The following CHRNB4 variants were observed in gnomAD, a reference collection of about 807,000 sequenced individuals.
The protein encoded by CHRNB4 is neuronal acetylcholine receptor subunit beta-4.
Under a neutral mutation model 40.4 loss-of-function variants are expected in CHRNB4, and 23 were observed. The observed-to-expected ratio is 0.57, with a 90% CI of 0.41 to 0.81. The LOEUF is 0.81. Ranked by LOEUF, CHRNB4 falls within the 30% of genes least tolerant of loss-of-function variation. The probability of loss-of-function intolerance (pLI) is 0.00; values close to 1 mark genes in which losing one functional copy is unlikely to be tolerated. For synonymous variants in CHRNB4, 285 were observed against 274.4 expected (o/e 1.04, Z -0.38); for missense variants, 568 against 670.6 (o/e 0.85, Z 1.69).
At chr15:78,641,540 G>A (rs2054075842), upstream of CHRNB4, among the ~76,000 whole-genome samples, 1 of 152,214 alleles carries the variant, frequency 6.6e-6, no homozygotes, top group South Asian at 2.1e-4. Context: ...CTTGGGCTTT[G>A]CCTTCCCTCA....
chr15:78,636,108 T>C (rs1398015233), intron 1 of CHRNB4, among the ~76,000 whole-genome samples: 1 of 152,086 alleles, frequency 6.6e-6, no homozygotes, highest in Non-Finnish European at 1.5e-5. Context: ...GGTTTCACCA[T>C]ATTGGCCAGG....
intron 2 of CHRNB4, among the ~76,000 whole-genome samples, chr15:78,631,853 A>C (rs1385180601): frequency 6.6e-6 from 1 of 152,166 alleles, no homozygotes; most frequent in Non-Finnish European, 1.5e-5. Context: ...CATCCAAAGT[A>C]AAAGCCAAAG....
At position 78,641,137 on chromosome 15, in the gene CHRNB4, C is replaced by A; in HGVS notation, c.-4G>T. The A allele has an allele frequency of 6.4e-7, 1 of 1,555,054 alleles. No individual in the cohort carries two copies. The highest frequency in any genetic ancestry group is 8.7e-7 in the Non-Finnish European group (1 of 1,152,090). On this transcript the variant is annotated 5_prime_UTR_variant, in exon 1 of 6. Transcript: ENST00000261751. ...CCAGGGAAGGCGCGCGCCTCATGGC[C>A]GGCGGGGCCGGGTGGCAGCCGCCGC...
At chr15:78,639,533 C>T (rs1230814891) in intron 1 of CHRNB4, among the ~76,000 whole-genome samples, 5 of 152,100 alleles carry the variant, frequency 3.3e-5, no homozygotes, top group African/African-American at 1.2e-4. Flanking sequence ...CTCCTGACCT[C>T]GTGATCCGCC....
rs370616582 is a variant in CHRNB4, at chr15:78,629,066, C to G, written c.1239G>C (p.Trp413Cys). The stretch of plus-strand genomic sequence containing the variant: ...GTCGGAACCTCCCAGAGGACCGCAG[C>G]CAGAAATCCCTGGGGATAGCCACCG... ...STPVAIPRDF[W>C]LRSSGRFRQD... The change falls in exon 5 of 6, where the codon TGG (tryptophan) becomes TGC (cysteine). Residue 413 changes from tryptophan (W) to cysteine (C), a missense_variant. By Grantham distance (215) the Trp-to-Cys change is radical. Coordinates refer to ENST00000261751, the MANE Select transcript of CHRNB4 (RefSeq NM_000750.5). The surrounding 1 kb of genome is among the most constrained non-coding windows in gnomAD (Gnocchi z 6.8). 7.4e-6 allele frequency: 12 copies of G among 1,614,022 alleles called. No individual in the cohort carries two copies. The African/African-American group carries it at 1.5e-4, about 20-fold the overall frequency.
intron 6 of CHRNB4, among the ~76,000 whole-genome samples, chr15:78,651,856 A>G (rs1596124380): frequency 1.3e-5 from 2 of 152,194 alleles, no homozygotes; most frequent in Non-Finnish European, 2.9e-5. Flanking sequence ...CCCTTAGCAG[A>G]ACTTTTCTTG....
exon 6 of CHRNB4, chr15:78,652,669 C>T (rs928162416): frequency 9.9e-5 from 15 of 152,230 alleles, no homozygotes; most frequent in Admixed American, 9.2e-4. Context: ...CACGACTTTC[C>T]ATCTATAGAT....
chr15:78,661,095 G>A, upstream of CHRNB4: 4 of 606,676 alleles, frequency 6.6e-6, no homozygotes, highest in South Asian at 5.5e-5. Context: ...TGAACTTCCG[G>A]CCCTTGGAGC....
At chr15:78,637,522 G>A (rs923001278) in intron 1 of CHRNB4, among the ~76,000 whole-genome samples, 2 of 152,108 alleles carry the variant, frequency 1.3e-5, no homozygotes, top group African/African-American at 4.8e-5. Context: ...TGCTGGTGAG[G>A]GGCTGCCTGG....
At chr15:78,636,584 C>G (rs1415264012) in intron 1 of CHRNB4, among the ~76,000 whole-genome samples, 1 of 151,950 alleles carries the variant, frequency 6.6e-6, no homozygotes, top group Non-Finnish European at 1.5e-5. Context: ...CCCCCTGTGA[C>G]CTTCACTGTC....
chr15:78,659,203 T>C (rs1354139065), intron 1 of CHRNB4, among the ~76,000 whole-genome samples: 1 of 152,060 alleles, frequency 6.6e-6, no homozygotes, highest in Non-Finnish European at 1.5e-5. Context: ...CTGAAGCAGG[T>C]GGGTCATTTC....
chr15:78,636,418 G>A (rs1419279485), intron 1 of CHRNB4, among the ~76,000 whole-genome samples: 1 of 152,056 alleles, frequency 6.6e-6, no homozygotes, highest in African/African-American at 2.4e-5. Flanking sequence ...AGAGCTGTAG[G>A]TGGACTTAAA....
chr15:78,631,427 C>T, intron 2 of CHRNB4, 95 bp from the exon 3 acceptor site: 1 of 1,237,944 alleles, frequency 8.1e-7, no homozygotes, highest in South Asian at 1.4e-5. Context: ...GCTCCAGGCC[C>T]ACGTGACCAA....
rs1437051204 is a variant in CHRNB4 at position 78,631,313 on chromosome 15, A to G, written c.224T>C (p.Met75Thr). The change falls in exon 3 of 6, where the codon ATG (methionine) becomes ACG (threonine). Residue 75 changes from methionine (M) to threonine (T), a missense_variant. Physicochemically the swap from Met to Thr is moderately conservative, Grantham distance 81. Transcript: ENST00000261751. The part of the protein sequence containing the change: ...LISVNEREQI[M>T]TTNVWLKQEW... ...CTGTTTCAGCCAGACATTGGTGGTCATGATCTGCTCTCGCTCATTCTGGGG... is the reference window on the plus strand; with the variant it reads ...CTGTTTCAGCCAGACATTGGTGGTCGTGATCTGCTCTCGCTCATTCTGGGG... 2 of 1,614,084 alleles carry G rather than the reference A, an allele frequency of 1.2e-6. No homozygotes were observed. Among genetic ancestry groups the G allele is most frequent in the Admixed American group, 1.7e-5 (1 of 60,016 alleles).
Position 78,655,159 on chromosome 15 carries a change from T to C in CHRNB4, c.-110+385A>G, listed in dbSNP as rs559185303. On this transcript the variant is annotated intron_variant and NMD_transcript_variant, in intron 5 of 11. Transcript: ENST00000559849. ...CAGGCTGATCTGCTTTCTGTCTCTA[T>C]AGATTAGTTTGCACTTTCTAGAATT... 1.8e-4 allele frequency among the ~76,000 whole-genome samples: 27 copies of C among 152,222 alleles called. No individual in the cohort carries two copies. In the South Asian group the frequency reaches 3.5e-3, roughly 20 times the overall value.
rs750542356 is a variant in CHRNB4, at chr15:78,629,316, G to A, written c.989C>T (p.Ala330Val). 22 of 1,613,940 alleles carry A rather than the reference G, an allele frequency of 1.4e-5. No individual in the cohort carries two copies. The highest frequency in any genetic ancestry group is 1.7e-5 in the Admixed American group (1 of 59,992). Reference protein sequence around the residue: ...HHRSPSTHTMAPWVKRCFLHK... With the variant: ...HHRSPSTHTMVPWVKRCFLHK... ...CAGGAAGCAGCGCTTGACCCAGGGT[G>A]CCATGGTGTGGGTGCTGGGCGAGCG... The change falls in exon 5 of 6, where the codon GCA (alanine) becomes GTA (valine). Residue 330 changes from alanine (A) to valine (V), a missense_variant. This residue lies in a region of CHRNB4 where 242 missense variants were observed against 274.9 expected (regional missense o/e 0.88). Coordinates refer to ENST00000261751, the MANE Select transcript of CHRNB4 (RefSeq NM_000750.5). This position sits in a 1 kb window ranked among gnomAD's most constrained non-coding sequence, Gnocchi z 6.8.
chr15:78,649,482 C>T, intron 6 of CHRNB4: 2 of 437,348 alleles, frequency 4.6e-6, no homozygotes, highest in Admixed American at 2.7e-5. Context: ...CTATAAAAAA[C>T]AAAACAAAAT....
intron 7 of CHRNB4, among the ~76,000 whole-genome samples, chr15:78,648,072 G>A (rs2054141061): frequency 6.6e-6 from 1 of 151,822 alleles, no homozygotes; most frequent in African/African-American, 2.4e-5. Context: ...AGCCCTCGTG[G>A]ATGAGATTAG....
At chr15:78,626,556 G>A (rs112328650) in intron 5 of CHRNB4, 162 of 152,340 alleles carry the variant, frequency 1.1e-3, no homozygotes, top group South Asian at 5.4e-3. Flanking sequence ...CCAATAAGCC[G>A]GCCATGTGCT....
Sources: allele counts gnomAD v4.1 joint callset (sites outside exome capture counted in the v4.1 genomes callset), GRCh38; gene constraint gnomAD v4.1.1; regional missense constraint gnomAD v4.1.1; non-coding constraint Gnocchi (gnomAD v3.1); transcripts MANE v1.5; gene names NCBI Gene and HGNC (gene_info 2026-07-23, HGNC 2026-07-21).